The following NLRP9 variants were observed in gnomAD, a reference collection of about 807,000 sequenced individuals.
NLRP9 encodes NLR family pyrin domain containing 9, also known as NACHT, LRR and PYD domains-containing protein 9.
Under a neutral mutation model 83.1 loss-of-function variants are expected in NLRP9, and 88 were observed. The observed-to-expected ratio is 1.06, with a 90% CI of 0.89 to 1.26. The LOEUF is 1.26. NLRP9 is among the 50% of genes most tolerant of loss of function. The probability of loss-of-function intolerance (pLI) is 0.00; values close to 1 mark genes in which losing one functional copy is unlikely to be tolerated. For synonymous variants in NLRP9, 521 were observed against 447.6 expected (o/e 1.16, Z -2.07); for missense variants, 1,308 against 1,179.3 (o/e 1.11, Z -1.60).
rs910869804 is a variant in NLRP9, at chr19:55,715,114, A to G, written c.2442T>C (p.Asn814=). Residue 814 remains asparagine, a synonymous_variant, in exon 6 of 9, where the codon AAT becomes AAC. Coordinates refer to ENST00000332836, the MANE Select transcript of NLRP9 (RefSeq NM_176820.4). ...LDLGSNALED[N]GVASLCAALK... is the part of the protein sequence containing the mutation. ...GCGCTGCACACAGAGATGCCACTCC[A>G]TTATCTTCCAGGGCATTTGAGCCCA... The G allele has an allele frequency of 6.2e-7, 1 of 1,613,160 alleles. No homozygotes were observed. Among genetic ancestry groups the G allele is most frequent in the Non-Finnish European group, 8.5e-7 (1 of 1,179,884 alleles).
intron 7 of NLRP9, 129 bp from the exon 8 acceptor site, chr19:55,712,099 A>AG: frequency 1.1e-6 from 1 of 919,484 alleles, no homozygotes; most frequent in Non-Finnish European, 1.7e-6. Flanking sequence ...CTTCTCAGCC[A>AG]GGACGATTGT....
intron 1 of NLRP9, among the ~76,000 whole-genome samples, chr19:55,734,059 G>A (rs190974942): frequency 5.1e-4 from 77 of 150,976 alleles, no homozygotes; most frequent in African/African-American, 8.2e-4. Flanking sequence ...AGTAGCTGGG[G>A]CTACAGGCGC....
At chr19:55,734,544 C>T (rs942141258) in intron 1 of NLRP9, among the ~76,000 whole-genome samples, 4 of 126,330 alleles carry the variant, frequency 3.2e-5, no homozygotes, top group African/African-American at 5.6e-5. Flanking sequence ...TATATATATA[C>T]ATATATACGC....
In NLRP9 at chr19:55,712,587, C is replaced by T; in HGVS notation, c.2505G>A (p.Leu835=). The T allele has an allele frequency of 6.2e-7, 1 of 1,611,998 alleles. No homozygotes were observed. The highest frequency in any genetic ancestry group is 8.5e-7 in the Non-Finnish European group (1 of 1,179,742). Residue 835 remains leucine (L), a synonymous_variant, in exon 7 of 9, where the codon TTG becomes TTA. Coordinates refer to ENST00000332836, the MANE Select transcript of NLRP9 (RefSeq NM_176820.4). ...AATCGGAAGTAAGGAAACAGCCCAT[C>T]AACCTGGGGAGGTGGAAGACACACA... is the stretch of plus-strand genomic sequence containing the variant. ...HPGCSIRELW[L]MGCFLTSDSC...
chr19:55,727,626 G>C (rs916717017), intron 3 of NLRP9, among the ~76,000 whole-genome samples: 1 of 152,142 alleles, frequency 6.6e-6, no homozygotes, highest in Non-Finnish European at 1.5e-5. Flanking sequence ...AAACAGTTCA[G>C]TGAGGTCCAC....
chr19:55,732,475 A>C lies in NLRP9; in HGVS notation c.1356T>G (p.Cys452Trp), dbSNP rs1988607111. The part of the protein sequence containing the change: ...AFMHLCIQEF[C>W]AAMFYLLKRP... ...GTTTGAGCAAATAAAACATGGCGGCACAAAACTCTTGGATACACAGATGCA... is the reference window on the plus strand; with the variant it reads ...GTTTGAGCAAATAAAACATGGCGGCCCAAAACTCTTGGATACACAGATGCA... Residue 452 changes from cysteine to tryptophan, a missense_variant, in exon 2 of 9, where the codon TGT (cysteine) becomes TGG (tryptophan). Transcript: ENST00000332836. 1 of 1,614,226 alleles carries C rather than the reference A, an allele frequency of 6.2e-7. No homozygotes were observed. Among genetic ancestry groups the C allele is most frequent in the East Asian group, 2.2e-5 (1 of 44,884 alleles).
chr19:55,717,947 T>C (rs1988083776), intron 4 of NLRP9, among the ~76,000 whole-genome samples: 1 of 152,162 alleles, frequency 6.6e-6, no homozygotes, highest in African/African-American at 2.4e-5. Flanking sequence ...TTACTGTGTC[T>C]GTGTAGAAAA....
chr19:55,719,977 T>C (rs1457021496), intron 4 of NLRP9, among the ~76,000 whole-genome samples: 1 of 152,210 alleles, frequency 6.6e-6, no homozygotes, highest in African/African-American at 2.4e-5. Flanking sequence ...GGGATGGAAT[T>C]ACATCTTTAA....
rs80009430 is a variant in NLRP9, at chr19:55,738,249, G to A, written c.126C>T (p.Ile42=). Residue 42 remains isoleucine, a synonymous_variant, in exon 1 of 9, where the codon ATC becomes ATT. Coordinates refer to ENST00000332836, the MANE Select transcript of NLRP9 (RefSeq NM_176820.4). ...QPLEKFELKP[I]PWAELKKASK... ...AGGCCTTCTTCAGCTCAGCCCAGGG[G>A]ATTGGCTTGAGTTCAAATTTCTCCA... 25 of 1,614,066 alleles carry A rather than the reference G, an allele frequency of 1.5e-5. No homozygotes were observed. The African/African-American group carries it at 2.7e-4, about 17-fold the overall frequency.
chr19:55,732,599 G>A lies in NLRP9; in HGVS notation c.1232C>T (p.Ser411Phe), dbSNP rs773348206. 4 of 1,614,200 alleles carry A rather than the reference G, an allele frequency of 2.5e-6. No homozygotes were observed. The highest frequency in any genetic ancestry group is 3.3e-5 in the Admixed American group (2 of 60,026). ...EGIWTYTFVF[S>F]HGDLRRNGLS... is the part of the protein sequence containing the mutation. ...CCCATTCCTCCGGAGATCCCCATGG[G>A]AAAATACAAATGTATATGTCCAAAT... is the stretch of plus-strand genomic sequence containing the variant. The change falls in exon 2 of 9, where the codon TCC (serine) becomes TTC (phenylalanine). Residue 411 changes from serine to phenylalanine, a missense_variant. Ser to Phe is a radical substitution (Grantham distance 155). Transcript: ENST00000332836.
intron 1 of NLRP9, 23 bp downstream of exon 1, chr19:55,738,072 T>C (rs777154806): frequency 1.2e-6 from 2 of 1,611,906 alleles, no homozygotes; most frequent in Non-Finnish European, 1.7e-6. Context: ...CCATGGGTCC[T>C]CGCCCCATCA....
chr19:55,732,907 G>A lies in NLRP9; in HGVS notation c.924C>T (p.Ser308=). 6.2e-7 allele frequency: 1 copy of A among 1,613,934 alleles called. No homozygotes were observed. Among genetic ancestry groups the A allele is most frequent in the Non-Finnish European group, 8.5e-7 (1 of 1,179,994 alleles). ...CTTTGCTCTTCTCACCAAAGAAGTA[G>A]GAGAAATACGACTTCTTTTCAGATT... The part of the protein sequence containing the change: ...FSESEKKSYF[S]YFFGEKSKAL... The change falls in exon 2 of 9, where the codon TCC becomes TCT. Residue 308 remains serine, a synonymous_variant. Transcript: ENST00000332836.
intron 3 of NLRP9, among the ~76,000 whole-genome samples, chr19:55,728,993 C>T (rs1269418666): frequency 6.7e-6 from 1 of 150,264 alleles, no homozygotes; most frequent in Non-Finnish European, 1.5e-5. Context: ...GAAAATATTG[C>T]ACATCAGCAC....
At chr19:55,721,156 T>C (rs1437938524) in intron 4 of NLRP9, among the ~76,000 whole-genome samples, 1 of 152,222 alleles carries the variant, frequency 6.6e-6, no homozygotes, top group Non-Finnish European at 1.5e-5. Flanking sequence ...GTACATTTCA[T>C]TAGTAAAGTT....
chr19:55,723,299 G>T (rs910746413), intron 4 of NLRP9, among the ~76,000 whole-genome samples: 1 of 151,986 alleles, frequency 6.6e-6, no homozygotes, highest in African/African-American at 2.4e-5. Flanking sequence ...CAAATCAGAC[G>T]ATCACACTTG....
intron 4 of NLRP9, among the ~76,000 whole-genome samples, chr19:55,723,653 G>A (rs150697851): frequency 7.7e-4 from 116 of 149,842 alleles, no homozygotes; most frequent in Non-Finnish European, 1.3e-3. Context: ...GCTTGAACCC[G>A]GGAAGCTGAG....
chr19:55,729,181 G>C (rs1403512170), intron 3 of NLRP9, among the ~76,000 whole-genome samples: 2 of 148,598 alleles, frequency 1.3e-5, no homozygotes, highest in Non-Finnish European at 3.0e-5. Flanking sequence ...TCCCTAACCA[G>C]GACTGCTCGC....
intron 5 of NLRP9, among the ~76,000 whole-genome samples, chr19:55,715,905 T>C (rs1039852361): frequency 6.6e-6 from 1 of 152,226 alleles, no homozygotes; most frequent in Non-Finnish European, 1.5e-5. Flanking sequence ...AATTTTTGTT[T>C]TGTTGTTTAA....
chr19:55,722,536 G>C (rs1041880488), intron 4 of NLRP9, among the ~76,000 whole-genome samples: 1 of 152,186 alleles, frequency 6.6e-6, no homozygotes, highest in African/African-American at 2.4e-5. Flanking sequence ...ATTTTTGACG[G>C]TTACTGCAAA....
Sources: allele counts gnomAD v4.1 joint callset (sites outside exome capture counted in the v4.1 genomes callset), GRCh38; gene constraint gnomAD v4.1.1; transcripts MANE v1.5; gene names NCBI Gene and HGNC (gene_info 2026-07-23, HGNC 2026-07-21).